The following KIAA0513 variants were observed in gnomAD, a reference collection of about 807,000 sequenced individuals.
KIAA0513 encodes the protein uncharacterized protein KIAA0513.
Under a neutral mutation model 56.5 loss-of-function variants are expected in KIAA0513, and 39 were observed. The observed-to-expected ratio is 0.69, with a 90% CI of 0.53 to 0.90. The LOEUF is 0.90. KIAA0513 is among the 40% of genes least tolerant of loss of function. The probability of loss-of-function intolerance (pLI) is 0.00; values close to 1 mark genes in which losing one functional copy is unlikely to be tolerated. For synonymous variants in KIAA0513, 268 were observed against 215.6 expected, an observed-to-expected ratio of 1.24 and a Z score of -2.13; for missense variants, 591 against 535.2, an observed-to-expected ratio of 1.10 and a Z score of -1.03.
chr16:85,070,491 A>G (rs1325885548), intron 2 of KIAA0513, among the ~76,000 whole-genome samples: 1 of 152,180 alleles, frequency 6.6e-6, no homozygotes, highest in Non-Finnish European at 1.5e-5. Flanking sequence ...CAGCCTGGCC[A>G]ACATGATGAA....
chr16:85,055,124 G>A (rs909252462), intron 1 of KIAA0513, among the ~76,000 whole-genome samples: 16 of 151,940 alleles, frequency 1.1e-4, no homozygotes, highest in African/African-American at 3.6e-4. Context: ...GAGTCTCACT[G>A]TGTGCCCAGG....
intron 3 of KIAA0513, 39 bp from the exon 4 acceptor site, chr16:85,072,886 C>A (rs376936089): frequency 6.2e-7 from 1 of 1,600,022 alleles, no homozygotes; most frequent in South Asian, 1.1e-5. Flanking sequence ...GCGTGTGTCG[C>A]CCTGAACCTC....
intron 2 of KIAA0513, 41 bp downstream of exon 2, chr16:85,067,441 A>C (rs772597819): frequency 1.3e-6 from 2 of 1,482,694 alleles, no homozygotes; most frequent in Non-Finnish European, 1.8e-6. Flanking sequence ...GTGTGGCCAC[A>C]GGGCCCAAGG....
Position 85,089,356 on chromosome 16 carries a change from G to A in KIAA0513, c.*1031G>A, listed in dbSNP as rs2073844911. Reference sequence around the variant, plus strand: ...CGTGGCCTCTGCCTCTAAGCGCTGAGCATTGGGCCCCTTCCCCACCAGACC... The same window carrying A: ...CGTGGCCTCTGCCTCTAAGCGCTGAACATTGGGCCCCTTCCCCACCAGACC... On this transcript the variant is annotated 3_prime_UTR_variant, in exon 13 of 13. Coordinates refer to ENST00000683363, the MANE Select transcript of KIAA0513 (RefSeq NM_001388359.1). The surrounding 1 kb of genome is among the most constrained non-coding windows in gnomAD (Gnocchi z 4.2). The A allele has an allele frequency of 6.6e-6, 1 of 152,566 alleles. No homozygotes were observed. The highest frequency in any genetic ancestry group is 2.1e-4 in the South Asian group (1 of 4,842). The allele number at this position is 152,566 out of a possible 1,614,324, so 9.5% of individuals were successfully genotyped here. A position where few individuals can be genotyped will look rare whatever the true frequency, so the allele number is the denominator to read the frequency against.
In KIAA0513 at chr16:85,094,076, C is replaced by T. The variant is rs1300158187; in HGVS notation, c.*5751C>T. Reference sequence around the variant, plus strand: ...TTGTGTCCCGCTCGGTGATGTTCTACAAACTCTGTTTTAAGGTTGAGAAAG... The same window carrying T: ...TTGTGTCCCGCTCGGTGATGTTCTATAAACTCTGTTTTAAGGTTGAGAAAG... On this transcript the variant is annotated 3_prime_UTR_variant, in exon 13 of 13. Coordinates refer to ENST00000683363, the MANE Select transcript of KIAA0513 (RefSeq NM_001388359.1). The T allele has an allele frequency of 6.6e-6, 1 of 152,220 alleles. No homozygotes were observed. The highest frequency in any genetic ancestry group is 6.5e-5 in the Admixed American group (1 of 15,288). The allele number at this position is 152,220 out of a possible 1,614,324, so 9.4% of individuals were successfully genotyped here.
chr16:85,038,310 T>A (rs1482982335), intron 1 of KIAA0513, among the ~76,000 whole-genome samples: 1 of 152,202 alleles, frequency 6.6e-6, no homozygotes, highest in Non-Finnish European at 1.5e-5. Flanking sequence ...CCAGCCGCCT[T>A]CCCTAACCCA....
chr16:85,084,037 T>A (rs2073778604), intron 10 of KIAA0513, among the ~76,000 whole-genome samples: 1 of 149,884 alleles, frequency 6.7e-6, no homozygotes, highest in Non-Finnish European at 1.5e-5. Context: ...TGACCAGTAC[T>A]GGAAATTGAA....
intron 4 of KIAA0513, among the ~76,000 whole-genome samples, chr16:85,075,019 A>G (rs1363594358): frequency 6.6e-6 from 1 of 151,036 alleles, no homozygotes; most frequent in Non-Finnish European, 1.5e-5. Context: ...GTCCCTGAGC[A>G]TATATATGTT....
chr16:85,050,277 A>G (rs1227538676), intron 1 of KIAA0513, among the ~76,000 whole-genome samples: 7 of 152,198 alleles, frequency 4.6e-5, no homozygotes, highest in African/African-American at 1.7e-4. Flanking sequence ...GAACTTCTGA[A>G]AAAACAAGAA....
At chr16:85,035,571 G>A (rs1209282653) in intron 1 of KIAA0513, among the ~76,000 whole-genome samples, 3 of 152,180 alleles carry the variant, frequency 2.0e-5, no homozygotes, top group Admixed American at 2.0e-4. Flanking sequence ...GCTCACTGCA[G>A]CCTTGATCTC....
At chr16:85,079,036 C>T (rs376203542) in intron 8 of KIAA0513, 33 bp downstream of exon 8, 32 of 1,613,970 alleles carry the variant, frequency 2.0e-5, no homozygotes, top group African/African-American at 8.0e-5. Flanking sequence ...CCGTCACCCT[C>T]TTACTGACGG....
rs536977119 is a variant in KIAA0513, at chr16:85,086,137, C to T, written c.1011-507C>T. Among the ~76,000 whole-genome samples the T allele has an allele frequency of 6.0e-4, 91 of 152,224 alleles. 1 individual carries two copies. Among genetic ancestry groups the T allele is most frequent in the Non-Finnish European group, 1.1e-3 (75 of 68,042 alleles). ...GTGGAAGCTGCCATCCGCAGCTGGCCCCAGGACGACGCACCTCGCTTGGCC... is the reference window on the plus strand; with the variant it reads ...GTGGAAGCTGCCATCCGCAGCTGGCTCCAGGACGACGCACCTCGCTTGGCC... On this transcript the variant is annotated intron_variant, in intron 10 of 12. Transcript: ENST00000683363.
chr16:85,066,848 G>A (rs1005496055), intron 1 of KIAA0513, 52 bp from the exon 2 acceptor site: 2 of 451,828 alleles, frequency 4.4e-6, no homozygotes, highest in Non-Finnish European at 7.8e-6. Context: ...GATCTAGGTC[G>A]GGATTCTGGT....
intron 1 of KIAA0513, among the ~76,000 whole-genome samples, chr16:85,064,313 C>T (rs1320090541): frequency 6.6e-6 from 1 of 151,892 alleles, no homozygotes; most frequent in Non-Finnish European, 1.5e-5. Context: ...GCCCGTTTTA[C>T]TATATTTAGG....
chr16:85,073,073 C>A, intron 4 of KIAA0513, 75 bp downstream of exon 4: 1 of 1,219,160 alleles, frequency 8.2e-7, no homozygotes, highest in Non-Finnish European at 1.2e-6. Context: ...CCCACCCAGC[C>A]GTGTCATAAC....
intron 1 of KIAA0513, among the ~76,000 whole-genome samples, chr16:85,061,509 G>C (rs1200948523): frequency 1.3e-5 from 2 of 152,160 alleles, no homozygotes; most frequent in Non-Finnish European, 2.9e-5. Context: ...TGTTGCCTGA[G>C]GTTTTGCACA....
chr16:85,029,654 C>G (rs1319554662), intron 1 of KIAA0513, among the ~76,000 whole-genome samples: 1 of 152,176 alleles, frequency 6.6e-6, no homozygotes, highest in Non-Finnish European at 1.5e-5. Context: ...CCTCCTTTCT[C>G]TCATAAAGCA....
At chr16:85,059,444 T>A (rs909736214) in intron 1 of KIAA0513, among the ~76,000 whole-genome samples, 3 of 152,198 alleles carry the variant, frequency 2.0e-5, no homozygotes, top group Non-Finnish European at 4.4e-5. Context: ...CCAGGCTGTC[T>A]CCTCTAGTCA....
intron 1 of KIAA0513, among the ~76,000 whole-genome samples, chr16:85,046,130 T>A (rs927962808): frequency 2.6e-5 from 4 of 152,308 alleles, no homozygotes; most frequent in East Asian, 1.9e-4. Context: ...CTCTGGCTGT[T>A]TGAGCTTTAT....
Sources: gnomAD v4.1 joint callset for allele counts (sites outside exome capture counted in the v4.1 genomes callset) on GRCh38, gnomAD v4.1.1 for gene constraint, Gnocchi (gnomAD v3.1) non-coding constraint, MANE v1.5 for transcripts, NCBI Gene and HGNC (gene_info 2026-07-23, HGNC 2026-07-21) for gene names.